The following HTR3A variants were observed in gnomAD, a reference collection of about 807,000 sequenced individuals.
HTR3A encodes 5-hydroxytryptamine (serotonin) receptor 3A, ionotropic.
Under a neutral mutation model 54.8 loss-of-function variants are expected in HTR3A, and 45 were observed. That is an observed-to-expected ratio of 0.82 (90% CI 0.65 to 1.05). The LOEUF is 1.05. HTR3A is among the 50% of genes least tolerant of loss of function. The probability of loss-of-function intolerance (pLI) is 0.00; values close to 1 mark genes in which losing one functional copy is unlikely to be tolerated. For missense variants in HTR3A, 657 were observed against 614.0 expected (o/e 1.07, Z -0.74); for synonymous variants, 297 against 256.0 (o/e 1.16, Z -1.53).
intron 1 of HTR3A, chr11:113,977,537 C>CT: frequency 6.4e-7 from 1 of 1,551,216 alleles, no homozygotes; most frequent in Non-Finnish European, 8.7e-7. Context: ...AGCCAGATCT[C>CT]TGCTTTCCTG....
In HTR3A at chr11:113,989,956, G is replaced by A; in HGVS notation, c.*193G>A. The A allele has an allele frequency of 5.5e-6, 4 of 725,130 alleles. No individual in the cohort carries two copies. The highest frequency in any genetic ancestry group is 9.8e-6 in the Non-Finnish European group (4 of 409,246). The allele number at this position is 725,130 out of a possible 1,614,324, so 44.9% of individuals were successfully genotyped here. ...GGTCTGAACCCTTCCACCAAAAACT[G>A]GGTGTTCAAGGCCCTTACACCCTTG... On this transcript the variant is annotated 3_prime_UTR_variant, in exon 9 of 9. Transcript: ENST00000504030. This position sits in a 1 kb window ranked among gnomAD's most constrained non-coding sequence, Gnocchi z 4.4.
At chr11:113,981,130 TC>T in intron 3 of HTR3A, 72 bp from the exon 4 acceptor site, 1 of 917,926 alleles carries the variant, frequency 1.1e-6, no homozygotes, top group Non-Finnish European at 1.8e-6. Context: ...GAGGGTGAAG[TC>T]TGCCTGAGTT....
chr11:113,975,379 G>A lies in HTR3A; in HGVS notation c.54G>A (p.Leu18=). 6.2e-7 allele frequency: 1 copy of A among 1,612,506 alleles called. No individual in the cohort carries two copies. The highest frequency in any genetic ancestry group is 8.5e-7 in the Non-Finnish European group (1 of 1,179,936). The change falls in exon 1 of 9, where the codon CTG becomes CTA. Residue 18 remains leucine, a synonymous_variant. Coordinates refer to ENST00000504030, the MANE Select transcript of HTR3A (RefSeq NM_000869.6). ...TCGCCTTGCTCCTCCCCACACTCCTGGCACAGGGAGAAGGTAAGCAGACTT... is the reference window on the plus strand; with the variant it reads ...TCGCCTTGCTCCTCCCCACACTCCTAGCACAGGGAGAAGGTAAGCAGACTT... The part of the protein sequence containing the change: ...ALLALLLPTL[L]AQGEARRSRN...
intron 7 of HTR3A, 25 bp downstream of exon 7, chr11:113,986,753 C>A (rs1443641851): frequency 5.6e-6 from 9 of 1,614,196 alleles, no homozygotes; most frequent in African/African-American, 1.3e-5. Context: ...GGCAGCAGAG[C>A]TCAGTCTGGT....
intron 5 of HTR3A, 50 bp from the exon 6 acceptor site, chr11:113,985,965 C>G (rs759407718): frequency 3.1e-6 from 5 of 1,606,424 alleles, no homozygotes; most frequent in Non-Finnish European, 2.6e-6. Flanking sequence ...CAGGGTCCAG[C>G]AGGCTCTGGG....
rs372536081 is a variant in HTR3A, at chr11:113,975,393, G to A, written c.67+1G>A. On this transcript the variant is annotated splice_donor_variant, in intron 1 of 8. Coordinates refer to ENST00000504030, the MANE Select transcript of HTR3A (RefSeq NM_000869.6). LOFTEE classifies it high-confidence loss of function. The stretch of plus-strand genomic sequence containing the variant: ...CCCACACTCCTGGCACAGGGAGAAG[G>A]TAAGCAGACTTCGGGAAGCAGCAGG... 5.0e-6 allele frequency: 8 copies of A among 1,611,324 alleles called. No individual in the cohort carries two copies. The African/African-American group carries it at 8.0e-5, about 16-fold the overall frequency.
Position 113,989,994 on chromosome 11 carries a change from C to A in HTR3A, c.*231C>A, listed in dbSNP as rs1229402940. 1 of 681,194 alleles carries A rather than the reference C, an allele frequency of 1.5e-6. No individual in the cohort carries two copies. The highest frequency in any genetic ancestry group is 2.0e-5 in the Admixed American group (1 of 49,310). 42.2% of individuals were successfully genotyped at this position (681,194 alleles called of 1,614,324 possible). ...CCTTACACCCTTGTCCCACCCCCAG[C>A]AGCTCACCATGGCTTTAAAACATGC... On this transcript the variant is annotated 3_prime_UTR_variant, in exon 9 of 9. Coordinates refer to ENST00000504030, the MANE Select transcript of HTR3A (RefSeq NM_000869.6). The surrounding 1 kb of genome is among the most constrained non-coding windows in gnomAD (Gnocchi z 4.4).
intron 3 of HTR3A, among the ~76,000 whole-genome samples, chr11:113,980,102 G>A (rs1228550663): frequency 6.6e-6 from 1 of 152,168 alleles, no homozygotes; most frequent in Non-Finnish European, 1.5e-5. Context: ...CCTCGCAGAG[G>A]GATCCCTTAC....
chr11:113,985,554 T>C (rs1591605384), intron 5 of HTR3A, among the ~76,000 whole-genome samples: 1 of 152,250 alleles, frequency 6.6e-6, no homozygotes, highest in Non-Finnish European at 1.5e-5. Flanking sequence ...AATTACAATC[T>C]ATAAGTGAGG....
At chr11:113,983,005 G>A (rs1374238925) in intron 4 of HTR3A, 115 bp from the exon 5 acceptor site, 16 of 1,201,692 alleles carry the variant, frequency 1.3e-5, no homozygotes, top group Middle Eastern at 1.9e-4. Context: ...CAGGTTATCC[G>A]GCTGCCTATA....
At chr11:113,976,900 T>G (rs530280701) in intron 1 of HTR3A, among the ~76,000 whole-genome samples, 1 of 152,008 alleles carries the variant, frequency 6.6e-6, no homozygotes, top group East Asian at 1.9e-4. Context: ...CAGGCCACCC[T>G]TCTGGAAGTG....
intron 3 of HTR3A, among the ~76,000 whole-genome samples, chr11:113,980,371 A>G (rs557972888): frequency 6.6e-6 from 1 of 152,374 alleles, no homozygotes; most frequent in South Asian, 2.1e-4. Flanking sequence ...CTGAAATGCA[A>G]CAAGACAGCC....
chr11:113,979,470 G>A (rs1950395261), intron 3 of HTR3A, among the ~76,000 whole-genome samples, 193 bp downstream of exon 3: 1 of 152,018 alleles, frequency 6.6e-6, no homozygotes. Flanking sequence ...GATAGTGGAG[G>A]AGAAACCCTC....
At chr11:113,982,101 C>T (rs1416588115) in intron 4 of HTR3A, among the ~76,000 whole-genome samples, 3 of 152,150 alleles carry the variant, frequency 2.0e-5, no homozygotes, top group African/African-American at 7.2e-5. Context: ...TTCTCCAATA[C>T]GAAGTGGGTT....
At chr11:113,982,859 C>T (rs1950437545) in intron 4 of HTR3A, among the ~76,000 whole-genome samples, 1 of 152,172 alleles carries the variant, frequency 6.6e-6, no homozygotes, top group African/African-American at 2.4e-5. Flanking sequence ...ATGGGTTTTC[C>T]TCCCTGCCTT....
In HTR3A at chr11:113,989,873, C is replaced by T; in HGVS notation, c.*110C>T. ...GAATGCCAGGGACATTTTCAAGACA[C>T]AGACAAAGTCCCGTGCCCTGTTTCC... is the stretch of plus-strand genomic sequence containing the variant. On this transcript the variant is annotated 3_prime_UTR_variant, in exon 9 of 9. Transcript: ENST00000504030. This position sits in a 1 kb window ranked among gnomAD's most constrained non-coding sequence, Gnocchi z 4.4. 8.2e-7 allele frequency: 1 copy of T among 1,214,492 alleles called. No individual in the cohort carries two copies. The highest frequency in any genetic ancestry group is 1.2e-6 in the Non-Finnish European group (1 of 833,718). 75.2% of individuals were successfully genotyped at this position (1,214,492 alleles called of 1,614,324 possible).
Position 113,989,437 on chromosome 11 carries a change from T to C in HTR3A, c.1139-28T>C. 1 of 1,613,402 alleles carries C rather than the reference T, an allele frequency of 6.2e-7. No individual in the cohort carries two copies. The highest frequency in any genetic ancestry group is 8.5e-7 in the Non-Finnish European group (1 of 1,179,930). ...CAGGTCACCACCCGGGGTCTCCCTC[T>C]CTTGCCAATGCCCTGCCCTTCTTCC... On this transcript the variant is annotated intron_variant, in intron 8 of 8. Coordinates refer to ENST00000504030, the MANE Select transcript of HTR3A (RefSeq NM_000869.6). This position sits in a 1 kb window ranked among gnomAD's most constrained non-coding sequence, Gnocchi z 4.4.
At chr11:113,985,898 G>T in intron 5 of HTR3A, 117 bp from the exon 6 acceptor site, 1 of 1,046,576 alleles carries the variant, frequency 9.6e-7, no homozygotes, top group Non-Finnish European at 1.5e-6. Flanking sequence ...TGAGGTTGAG[G>T]TTGGGCCATC....
At chr11:113,986,354 CA>C (rs1325044086) in intron 6 of HTR3A, among the ~76,000 whole-genome samples, 163 bp from the exon 7 acceptor site, 8 of 152,170 alleles carry the variant, frequency 5.3e-5, no homozygotes, top group African/African-American at 1.7e-4. Context: ...TCTAAACAGC[CA>C]TAAGCCTGGA....
Sources: allele counts gnomAD v4.1 joint callset (sites outside exome capture counted in the v4.1 genomes callset), GRCh38; gene constraint gnomAD v4.1.1; non-coding constraint Gnocchi (gnomAD v3.1); transcripts MANE v1.5; gene names NCBI Gene and HGNC (gene_info 2026-07-23, HGNC 2026-07-21).